The following SEPTIN9 variants were observed in gnomAD, a reference collection of about 807,000 sequenced individuals.
SEPTIN9 encodes the protein septin 9.
SEPTIN9 carries 13 observed loss-of-function variants against 56.6 expected under a neutral mutation model. The ratio of observed to expected loss-of-function variants is 0.23; its 90% CI spans 0.15 to 0.37. The LOEUF (loss-of-function observed/expected upper bound fraction) is 0.37, where lower values mean the gene tolerates loss of function less well. Among genes scored for constraint, SEPTIN9 ranks in the 10% least tolerant of loss-of-function variants. SEPTIN9 has a pLI of 1.00. For missense variants in SEPTIN9, 650 were observed against 823.1 expected (o/e 0.79, Z 2.57); for synonymous variants, 332 against 334.1 (o/e 0.99, Z 0.07).
chr17:77,326,207 C>T lies in SEPTIN9; in HGVS notation c.76+19010C>T, dbSNP rs1424587402. On this transcript the variant is annotated intron_variant, in intron 2 of 11. Transcript: ENST00000427177. The surrounding 1 kb of genome is among the most constrained non-coding windows in gnomAD (Gnocchi z 5.1). ...ACATGACAAAATAAACCTCCCTTGC[C>T]GGTCACTCATTCATTCATTCAGCAT... 2.0e-5 allele frequency among the ~76,000 whole-genome samples: 3 copies of T among 152,320 alleles called. No homozygotes were observed. Among genetic ancestry groups the T allele is most frequent in the Non-Finnish European group, 2.9e-5 (2 of 68,036 alleles).
At chr17:77,379,473 C>G (rs1442985423) in intron 2 of SEPTIN9, among the ~76,000 whole-genome samples, 1 of 152,192 alleles carries the variant, frequency 6.6e-6, no homozygotes. Flanking sequence ...AGGGACTTCT[C>G]AGCCTGGCAA....
At position 77,478,481 on chromosome 17, in the gene SEPTIN9, C is replaced by T. The variant is rs144887018; in HGVS notation, c.722-3663C>T. 7.9e-5 allele frequency among the ~76,000 whole-genome samples: 12 copies of T among 152,266 alleles called. No individual in the cohort carries two copies. The East Asian group carries it at 1.5e-3, about 20-fold the overall frequency. On this transcript the variant is annotated intron_variant, in intron 3 of 11. Transcript: ENST00000427177. ...CAGTAGCCAGCGGGTAGAAACAACCCGAATGCCCGCGGTCAAATGAATGGA... is the reference window on the plus strand; with the variant it reads ...CAGTAGCCAGCGGGTAGAAACAACCTGAATGCCCGCGGTCAAATGAATGGA...
intron 3 of SEPTIN9, among the ~76,000 whole-genome samples, chr17:77,412,129 CAAAAAAA>C (rs756030644): frequency 7.1e-4 from 48 of 67,400 alleles, no homozygotes; most frequent in South Asian, 4.8e-3. Context: ...GACTCCCTAT[CAAAAAAA>C]AAAAAAAAAA....
At chr17:77,493,753 T>A (rs1598474298) in intron 10 of SEPTIN9, among the ~76,000 whole-genome samples, 1 of 143,510 alleles carries the variant, frequency 7.0e-6, no homozygotes, top group African/African-American at 2.6e-5. Flanking sequence ...CTCTGTCCCG[T>A]CCCTCCTCTT....
intron 4 of SEPTIN9, among the ~76,000 whole-genome samples, chr17:77,486,928 G>T (rs937066788): frequency 3.3e-5 from 5 of 152,212 alleles, no homozygotes; most frequent in Non-Finnish European, 5.9e-5. Context: ...CTGAGACACG[G>T]TGAGGTCAGG....
chr17:77,387,336 A>G (rs934915415), intron 2 of SEPTIN9, among the ~76,000 whole-genome samples: 3 of 152,090 alleles, frequency 2.0e-5, no homozygotes, highest in African/African-American at 4.8e-5. Context: ...TGTGTCTCGT[A>G]AGGATGCTTG....
rs1241030996 is a variant in SEPTIN9, at chr17:77,445,783, CCT to C, written c.722-36360_722-36359del. 2.6e-5 allele frequency: 6 copies of C among 233,228 alleles called. No individual in the cohort carries two copies. Among genetic ancestry groups the C allele is most frequent in the East Asian group, 1.3e-4 (1 of 7,952 alleles). 14.4% of individuals were successfully genotyped at this position (233,228 alleles called of 1,614,324 possible). A position where few individuals can be genotyped will look rare whatever the true frequency, so the allele number is the denominator to read the frequency against. ...TAGGCTGGCCAATGGTGCTCCCTCC[CCT>C]GTGACCCTTCTGTTGGGTGGGTCAC... On this transcript the variant is annotated intron_variant, in intron 3 of 11. Transcript: ENST00000427177. This position sits in a 1 kb window ranked among gnomAD's most constrained non-coding sequence, Gnocchi z 4.7.
At chr17:77,320,002 G>C (rs371192971) in intron 2 of SEPTIN9, 10 of 1,269,272 alleles carry the variant, frequency 7.9e-6, no homozygotes, top group East Asian at 6.8e-5. Flanking sequence ...TGGTCTGCCG[G>C]ACTCCTCGGG....
intron 3 of SEPTIN9, among the ~76,000 whole-genome samples, chr17:77,440,442 ACTGCACCTGG>A (rs2037504658): frequency 6.6e-6 from 1 of 152,236 alleles, no homozygotes; most frequent in Non-Finnish European, 1.5e-5. Context: ...GGCGTGAGCC[ACTGCACCTGG>A]CTTTCGTATA....
chr17:77,334,527 C>T (rs2033473057), intron 2 of SEPTIN9, among the ~76,000 whole-genome samples: 2 of 149,942 alleles, frequency 1.3e-5, no homozygotes. Flanking sequence ...CCACATTGCT[C>T]CTTTCCTTTT....
intron 2 of SEPTIN9, among the ~76,000 whole-genome samples, chr17:77,381,038 A>C (rs372712667): frequency 1.3e-5 from 2 of 152,164 alleles, no homozygotes; most frequent in Non-Finnish European, 2.9e-5. Context: ...ACCCATAGCC[A>C]GTGGCATGAA....
At chr17:77,332,249 C>T (rs542067673) in intron 2 of SEPTIN9, among the ~76,000 whole-genome samples, 4 of 152,132 alleles carry the variant, frequency 2.6e-5, no homozygotes, top group African/African-American at 7.2e-5. Context: ...TGCACTCCAG[C>T]CTGGGCGACA....
chr17:77,338,766 A>C (rs1472319778), intron 2 of SEPTIN9, among the ~76,000 whole-genome samples: 1 of 152,200 alleles, frequency 6.6e-6, no homozygotes, highest in African/African-American at 2.4e-5. Context: ...TCTTTCTTTC[A>C]TGAAAGATTT....
intron 2 of SEPTIN9, among the ~76,000 whole-genome samples, chr17:77,398,460 G>T (rs1424989933): frequency 6.6e-6 from 1 of 152,180 alleles, no homozygotes; most frequent in Non-Finnish European, 1.5e-5. Context: ...TCCCCGGGAA[G>T]GGGGCTGGAG....
intron 1 of SEPTIN9, among the ~76,000 whole-genome samples, chr17:77,300,253 A>G (rs1268563141): frequency 2.0e-5 from 3 of 150,858 alleles, no homozygotes. Context: ...GTGCACCACC[A>G]CTGAGAACAA....
intron 2 of SEPTIN9, among the ~76,000 whole-genome samples, chr17:77,325,761 C>G (rs1044184470): frequency 5.3e-5 from 8 of 152,226 alleles, no homozygotes; most frequent in Admixed American, 6.5e-5. Flanking sequence ...GTGCCTTTGT[C>G]TGCTTCCTGT....
chr17:77,379,611 G>A (rs1022164684), intron 2 of SEPTIN9, among the ~76,000 whole-genome samples: 1 of 152,104 alleles, frequency 6.6e-6, no homozygotes, highest in African/African-American at 2.4e-5. Flanking sequence ...GGCATCAGGG[G>A]AGGTCACACT....
chr17:77,431,778 C>G (rs1437662936), intron 3 of SEPTIN9, among the ~76,000 whole-genome samples: 1 of 141,176 alleles, frequency 7.1e-6, no homozygotes, highest in Non-Finnish European at 1.5e-5. Flanking sequence ...TGCAGTGAGC[C>G]AAGATCGTGC....
At chr17:77,348,209 C>A (rs945450399) in intron 2 of SEPTIN9, among the ~76,000 whole-genome samples, 1 of 150,404 alleles carries the variant, frequency 6.6e-6, no homozygotes. Context: ...TACTACCTTG[C>A]TCTTTGATAT....
Sources: gnomAD v4.1 joint callset for allele counts (sites outside exome capture counted in the v4.1 genomes callset) on GRCh38, gnomAD v4.1.1 for gene constraint, Gnocchi (gnomAD v3.1) non-coding constraint, MANE v1.5 for transcripts, NCBI Gene and HGNC (gene_info 2026-07-23, HGNC 2026-07-21) for gene names.